Variants in TLL1 observed in about 807,000 individuals in gnomAD.
TLL1 encodes tolloid-like protein 1.
A neutral mutation model predicts 128.2 loss-of-function variants in TLL1; 49 were observed. That is an observed-to-expected ratio of 0.38 (90% CI 0.30 to 0.48). The LOEUF (loss-of-function observed/expected upper bound fraction) is 0.48. Ranked by LOEUF, TLL1 falls within the 20% of genes least tolerant of loss-of-function variation. The probability of loss-of-function intolerance (pLI) is 0.96; values close to 1 mark genes in which losing one functional copy is unlikely to be tolerated. For synonymous variants in TLL1, 454 were observed against 418.8 expected (o/e 1.08, Z -1.03); for missense variants, 1,123 against 1,242.0 (o/e 0.90, Z 1.44).
intron 16 of TLL1, among the ~76,000 whole-genome samples, chr4:166,066,417 T>C (rs1740578236): frequency 6.6e-6 from 1 of 151,750 alleles, no homozygotes; most frequent in South Asian, 2.1e-4. Flanking sequence ...CTCCCCAGAT[T>C]TTATGGAAAT....
At chr4:165,982,081 G>A (rs1276361326) in intron 1 of TLL1, among the ~76,000 whole-genome samples, 4 of 151,996 alleles carry the variant, frequency 2.6e-5, no homozygotes, top group South Asian at 2.1e-4. Flanking sequence ...AAGTGTAGAC[G>A]CCAAATAATG....
chr4:165,906,236 A>G (rs767059328), intron 1 of TLL1, among the ~76,000 whole-genome samples: 2 of 152,244 alleles, frequency 1.3e-5, no homozygotes, highest in Non-Finnish European at 2.9e-5. Context: ...AAGAAAATGC[A>G]TGTTAACCTC....
At chr4:166,087,505 A>G (rs906436483) in intron 18 of TLL1, among the ~76,000 whole-genome samples, 2 of 152,122 alleles carry the variant, frequency 1.3e-5, no homozygotes, top group Admixed American at 1.3e-4. Context: ...CAAAAACAGG[A>G]TAAGGTGAAA....
chr4:166,035,458 C>T (rs1051379498), intron 9 of TLL1, among the ~76,000 whole-genome samples: 4 of 151,944 alleles, frequency 2.6e-5, no homozygotes, highest in East Asian at 1.9e-4. Flanking sequence ...TAAACTCTTG[C>T]GAGTTAATTC....
intron 7 of TLL1, among the ~76,000 whole-genome samples, chr4:166,010,639 G>T (rs1737649267): frequency 6.6e-6 from 1 of 150,740 alleles, no homozygotes; most frequent in African/African-American, 2.4e-5. Flanking sequence ...TGTACACAAT[G>T]CTGTATGTTT....
At chr4:165,888,875 C>T (rs1011279485) in intron 1 of TLL1, among the ~76,000 whole-genome samples, 43 of 152,176 alleles carry the variant, frequency 2.8e-4, no homozygotes, top group African/African-American at 1.0e-3. Flanking sequence ...CTGGGTGGGC[C>T]TTGCCCTATG....
At chr4:166,014,324 G>C (rs1018999644) in intron 7 of TLL1, 112 bp from the exon 8 acceptor site, 51 of 1,497,324 alleles carry the variant, frequency 3.4e-5, no homozygotes, top group Non-Finnish European at 4.6e-5. Context: ...AGCACACAAG[G>C]TGTAGTTCCC....
chr4:165,999,039 A>G (rs909875351), intron 5 of TLL1, among the ~76,000 whole-genome samples: 1 of 151,732 alleles, frequency 6.6e-6, no homozygotes, highest in African/African-American at 2.4e-5. Context: ...ATTTGAGACC[A>G]CCTCAGCCTG....
At chr4:165,912,016 C>T (rs1732555903) in intron 1 of TLL1, among the ~76,000 whole-genome samples, 1 of 152,150 alleles carries the variant, frequency 6.6e-6, no homozygotes, top group African/African-American at 2.4e-5. Flanking sequence ...GCTGGGACTA[C>T]AGGCACCCGC....
At chr4:165,974,062 C>A (rs1387166733) in intron 1 of TLL1, among the ~76,000 whole-genome samples, 1 of 150,856 alleles carries the variant, frequency 6.6e-6, no homozygotes, top group Non-Finnish European at 1.5e-5. Context: ...TGTACCCTGG[C>A]ATAGCTGACC....
chr4:165,914,536 T>C (rs1223581515), intron 1 of TLL1, among the ~76,000 whole-genome samples: 1 of 152,226 alleles, frequency 6.6e-6, no homozygotes, highest in Non-Finnish European at 1.5e-5. Context: ...GACATTTAAC[T>C]TGTTAGGCTG....
intron 1 of TLL1, among the ~76,000 whole-genome samples, chr4:165,959,517 C>T (rs909390812): frequency 6.6e-6 from 1 of 152,038 alleles, no homozygotes; most frequent in Non-Finnish European, 1.5e-5. Flanking sequence ...TAGAATATTC[C>T]TCCCAACAAC....
chr4:165,894,990 C>A (rs1283603012), intron 1 of TLL1, among the ~76,000 whole-genome samples: 3 of 151,776 alleles, frequency 2.0e-5, no homozygotes, highest in Non-Finnish European at 4.4e-5. Flanking sequence ...GATTGTGTGA[C>A]CATCATTCAG....
intron 16 of TLL1, among the ~76,000 whole-genome samples, chr4:166,068,988 C>T (rs754588830): frequency 1.3e-4 from 19 of 151,522 alleles, no homozygotes; most frequent in Non-Finnish European, 1.8e-4. Context: ...GGTGGAAAGA[C>T]GATGCATTAT....
intron 1 of TLL1, among the ~76,000 whole-genome samples, chr4:165,882,077 A>G (rs772363158): frequency 1.4e-4 from 22 of 152,134 alleles, no homozygotes; most frequent in Non-Finnish European, 2.8e-4. Context: ...TGAGAAAACA[A>G]ATATGCTGTG....
In TLL1 at chr4:166,065,827, G is replaced by A; in HGVS notation, c.2152G>A (p.Val718Ile). 6.2e-7 allele frequency: 1 copy of A among 1,612,854 alleles called. No homozygotes were observed. The highest frequency in any genetic ancestry group is 1.1e-5 in the South Asian group (1 of 91,070). The change falls in exon 16 of 21, where the codon GTA becomes ATA. Residue 718 changes from valine to isoleucine, a missense_variant. Val to Ile is a conservative substitution (Grantham distance 29). Transcript: ENST00000061240. ...AATTGAATTCAAATCTGACAATACT[G>A]TATCCAAGAAGGGCTTCAAAGCACA... Reference protein sequence around the residue: ...MRIEFKSDNTVSKKGFKAHFF... With the variant: ...MRIEFKSDNTISKKGFKAHFF...
chr4:165,900,113 T>G (rs1731904664), intron 1 of TLL1, among the ~76,000 whole-genome samples: 2 of 152,072 alleles, frequency 1.3e-5, no homozygotes, highest in South Asian at 4.2e-4. Context: ...CCCTTTCTTT[T>G]GAGCCTATGT....
At chr4:166,039,487 C>T in intron 10 of TLL1, 46 bp downstream of exon 10, 1 of 1,473,168 alleles carries the variant, frequency 6.8e-7, no homozygotes, top group Non-Finnish European at 9.5e-7. Flanking sequence ...CTATTCTGTC[C>T]CGTCCAAAAA....
At chr4:165,989,155 C>T (rs910905396) in intron 1 of TLL1, among the ~76,000 whole-genome samples, 3 of 151,984 alleles carry the variant, frequency 2.0e-5, no homozygotes, top group African/African-American at 7.3e-5. Flanking sequence ...ACTACTTTCC[C>T]CCTCTCCACA....
Sources: gnomAD v4.1 joint callset for allele counts (sites outside exome capture counted in the v4.1 genomes callset) on GRCh38, gnomAD v4.1.1 for gene constraint, MANE v1.5 for transcripts, NCBI Gene and HGNC (gene_info 2026-07-23, HGNC 2026-07-21) for gene names.